IGSF9: variants seen among roughly 807,000 people sequenced by gnomAD.
IGSF9 encodes protein turtle homolog A.
Under a neutral mutation model 121.7 loss-of-function variants are expected in IGSF9, and 87 were observed. The ratio of observed to expected loss-of-function variants is 0.71; its 90% CI spans 0.60 to 0.85. IGSF9 has a LOEUF of 0.85. Among genes scored for constraint, IGSF9 ranks in the 40% least tolerant of loss-of-function variants. IGSF9 has a pLI of 0.00. For missense variants in IGSF9, 1,462 were observed against 1,565.3 expected, an observed-to-expected ratio of 0.93 and a Z score of 1.11; for synonymous variants, 640 against 648.4, an observed-to-expected ratio of 0.99 and a Z score of 0.20.
At chr1:159,939,935 G>A (rs1369164851) in intron 3 of IGSF9, among the ~76,000 whole-genome samples, 7 of 152,090 alleles carry the variant, frequency 4.6e-5, no homozygotes, top group Non-Finnish European at 8.8e-5. Flanking sequence ...CTGCCTGGCC[G>A]CTAAGCCCTG....
At position 159,931,994 on chromosome 1, in the gene IGSF9, C is replaced by T; in HGVS notation, c.1246-66G>A. On this transcript the variant is annotated intron_variant, in intron 10 of 20. Transcript: ENST00000368094. This position sits in a 1 kb window ranked among gnomAD's most constrained non-coding sequence, Gnocchi z 4.8. Reference sequence around the variant, plus strand: ...ATCTAAGGCTGGCTACTCCCTCTCTCTGTGCTCCCTGTCATGCCATGTCTC... The same window carrying T: ...ATCTAAGGCTGGCTACTCCCTCTCTTTGTGCTCCCTGTCATGCCATGTCTC... 2.1e-6 allele frequency: 2 copies of T among 960,548 alleles called. No homozygotes were observed. Among genetic ancestry groups the T allele is most frequent in the Non-Finnish European group, 1.6e-6 (1 of 625,832 alleles). The allele number at this position is 960,548 out of a possible 1,614,324, so 59.5% of individuals were successfully genotyped here.
At position 159,937,698 on chromosome 1, in the gene IGSF9, G is replaced by C; in HGVS notation, c.388C>G (p.Leu130Val). Residue 130 changes from leucine to valine, a missense_variant, in exon 4 of 21, where the codon CTG becomes GTG. By Grantham distance (32) the Leu-to-Val change is conservative. This residue lies in a region of IGSF9 where 558 missense variants were observed against 599.4 expected (regional missense o/e 0.93). Coordinates refer to ENST00000368094, the MANE Select transcript of IGSF9 (RefSeq NM_001135050.2). Reference sequence around the variant, plus strand: ...CCCAGCTTCATACAATTGACTGTCAGATGCACCCAGGAGCCGTTAGCAAAA... The same window carrying C: ...CCCAGCTTCATACAATTGACTGTCACATGCACCCAGGAGCCGTTAGCAAAA... ...DDFANGSWVH[L>V]TVNSPPQFQE... 1 of 1,613,746 alleles carries C rather than the reference G, an allele frequency of 6.2e-7. No homozygotes were observed. Among genetic ancestry groups the C allele is most frequent in the Non-Finnish European group, 8.5e-7 (1 of 1,179,746 alleles).
intron 16 of IGSF9, 22 bp downstream of exon 16, chr1:159,929,869 C>T (rs747792742): frequency 7.6e-6 from 12 of 1,579,112 alleles, no homozygotes; most frequent in South Asian, 1.2e-5. Flanking sequence ...CCTGGGGCTC[C>T]TCCCTCACGC....
rs575352607 is a variant in IGSF9, at chr1:159,927,095, C to CAGAGAGAGAGAGAGAGAGAGAG, written c.*249_*250insCTCTCTCTCTCTCTCTCTCTCT. The CAGAGAGAGAGAGAGAGAGAGAG allele has an allele frequency of 1.7e-4, 75 of 451,186 alleles. No homozygotes were observed. In the South Asian group the frequency reaches 1.9e-3, roughly 12 times the overall value. 27.9% of individuals were successfully genotyped at this position (451,186 alleles called of 1,614,324 possible). On this transcript the variant is annotated 3_prime_UTR_variant, in exon 21 of 21. Transcript: ENST00000368094. Reference sequence around the variant, plus strand: ...AAAACTTCACACACACACACACACACACAGAGAGAGAGAGAGAGAGAGAGA... The same window carrying CAGAGAGAGAGAGAGAGAGAGAG: ...AAAACTTCACACACACACACACACACAGAGAGAGAGAGAGAGAGAGAGACAGAGAGAGAGAGAGAGAGAGAGA...
In IGSF9 at chr1:159,927,744, C is replaced by CG. The variant is rs747207060; in HGVS notation, c.3358+15dup. On this transcript the variant is annotated intron_variant, in intron 20 of 20. Coordinates refer to ENST00000368094, the MANE Select transcript of IGSF9 (RefSeq NM_001135050.2). ...AGTATGGCCGAGATGCCTGCCTTTCCGGGGGGCTCACACACCTAGCTCTGG... is the reference window on the plus strand; with the variant it reads ...AGTATGGCCGAGATGCCTGCCTTTCCGGGGGGGCTCACACACCTAGCTCTGG... 1.7e-5 allele frequency: 28 copies of CG among 1,609,480 alleles called. No individual in the cohort carries two copies. The highest frequency in any genetic ancestry group is 2.1e-5 in the Non-Finnish European group (25 of 1,178,452).
In IGSF9 at chr1:159,934,465, G is replaced by T; in HGVS notation, c.921C>A (p.Leu307=). The T allele has an allele frequency of 6.2e-7, 1 of 1,603,638 alleles. No homozygotes were observed. The change falls in exon 8 of 21, where the codon CTC becomes CTA. Residue 307 remains leucine (L), a synonymous_variant. Coordinates refer to ENST00000368094, the MANE Select transcript of IGSF9 (RefSeq NM_001135050.2). The part of the protein sequence containing the change: ...GCYTCVPSNG[L]LHPPSASAYL... ...AGGCAGAGGCTGAGGGTGGATGCAGGAGGCCATTGCTGGGCACACAGGTGT... is the reference window on the plus strand; with the variant it reads ...AGGCAGAGGCTGAGGGTGGATGCAGTAGGCCATTGCTGGGCACACAGGTGT...
chr1:159,936,781 G>T lies in IGSF9; in HGVS notation c.528C>A (p.Asp176Glu), dbSNP rs1321016711. Reference protein sequence around the residue: ...PHVTWKLRGKDLGQGQGQVQV... With the variant: ...PHVTWKLRGKELGQGQGQVQV... The stretch of plus-strand genomic sequence containing the variant: ...GCACCTGGCCCTGGCCCTGGCCAAG[G>T]TCCTTTCCTCGGAGCTTCCACGTCA... Residue 176 changes from aspartate (D) to glutamate (E), a missense_variant, in exon 5 of 21, where the codon GAC becomes GAA. Asp to Glu is a conservative substitution (Grantham distance 45). Around this residue, in one of 3 missense-constraint regions of IGSF9, gnomAD observed 558 missense variants for 599.4 expected, o/e 0.93. Transcript: ENST00000368094. 1.2e-6 allele frequency: 2 copies of T among 1,614,092 alleles called. No homozygotes were observed. The highest frequency in any genetic ancestry group is 1.7e-6 in the Non-Finnish European group (2 of 1,180,032).
intron 19 of IGSF9, 112 bp from the exon 20 acceptor site, chr1:159,927,999 T>C: frequency 6.7e-7 from 1 of 1,494,806 alleles, no homozygotes; most frequent in Non-Finnish European, 9.0e-7. Flanking sequence ...GGGTTTCCCC[T>C]GAAAAATCCC....
Position 159,928,508 on chromosome 1 carries a change from G to A in IGSF9, c.2880C>T (p.Arg960=). 1.3e-6 allele frequency: 2 copies of A among 1,572,410 alleles called. No homozygotes were observed. Among genetic ancestry groups the A allele is most frequent in the Non-Finnish European group, 1.7e-6 (2 of 1,156,788 alleles). ...AAPPDYMDTR[R]CPTSSFLRSP... ...AACGAAGGAAAGATGAGGTGGGACA[G>A]CGCCGGGTATCCATGTAATCTGGGG... The change falls in exon 19 of 21, where the codon CGC becomes CGT. Residue 960 remains arginine, a synonymous_variant. Coordinates refer to ENST00000368094, the MANE Select transcript of IGSF9 (RefSeq NM_001135050.2).
In IGSF9 at chr1:159,931,045, G is replaced by A. The variant is rs1348470457; in HGVS notation, c.1637+93C>T. The A allele has an allele frequency of 1.9e-6, 3 of 1,567,062 alleles. No homozygotes were observed. Among genetic ancestry groups the A allele is most frequent in the Non-Finnish European group, 2.6e-6 (3 of 1,146,386 alleles). On this transcript the variant is annotated intron_variant, in intron 13 of 20. Transcript: ENST00000368094. This position sits in a 1 kb window ranked among gnomAD's most constrained non-coding sequence, Gnocchi z 4.8. ...AGCCAGGACTGGTGAGGGATAGAGG[G>A]ACAGAAGAAAGGGCAGAAGGCCAGA... is the stretch of plus-strand genomic sequence containing the variant.
intron 3 of IGSF9, among the ~76,000 whole-genome samples, chr1:159,941,282 C>T (rs1046168817): frequency 1.3e-5 from 2 of 152,192 alleles, no homozygotes; most frequent in Non-Finnish European, 2.9e-5. Flanking sequence ...CCTTAGCAAC[C>T]TCTACCTCCT....
chr1:159,942,743 A>AGTGT (rs59358917), intron 3 of IGSF9, among the ~76,000 whole-genome samples: 26 of 150,406 alleles, frequency 1.7e-4, no homozygotes, highest in East Asian at 3.9e-4. Flanking sequence ...TAAGAGTGTG[A>AGTGT]GTGTGTGTGT....
Position 159,929,663 on chromosome 1 carries a change from G to C in IGSF9, c.2301C>G (p.Arg767=), listed in dbSNP as rs1650903637. The C allele has an allele frequency of 6.3e-7, 1 of 1,594,650 alleles. No homozygotes were observed. Among genetic ancestry groups the C allele is most frequent in the African/African-American group, 1.3e-5 (1 of 74,798 alleles). ...CTTGGCGGAGGCGCTTGCGGCGGCG[G>C]CGGGCAGCCCTGCGCCGGTTCAGGA... is the stretch of plus-strand genomic sequence containing the variant. ...GCLLNRRRAA[R]RRRKRLRQDP... is the part of the protein sequence containing the mutation. The change falls in exon 17 of 21, where the codon CGC becomes CGG. Residue 767 remains arginine, a synonymous_variant. Transcript: ENST00000368094.
Position 159,928,837 on chromosome 1 carries a change from C to G in IGSF9, c.2551G>C (p.Gly851Arg). Reference protein sequence around the residue: ...PLEPICRGPDGRFVMGPTVAA... With the variant: ...PLEPICRGPDRRFVMGPTVAA... ...ACAGTGGGCCCCATCACAAAGCGCC[C>G]GTCTGGGCCCCGGCAAATGGGCTCC... The change falls in exon 19 of 21, where the codon GGG (glycine) becomes CGG (arginine). Residue 851 changes from glycine (G) to arginine (R), a missense_variant. By Grantham distance (125) the Gly-to-Arg change is moderately radical (BLOSUM62 -2). Around this residue, in one of 3 missense-constraint regions of IGSF9, gnomAD observed 808 missense variants for 815.2 expected, o/e 0.99. Coordinates refer to ENST00000368094, the MANE Select transcript of IGSF9 (RefSeq NM_001135050.2). 7 of 1,549,652 alleles carry G rather than the reference C, an allele frequency of 4.5e-6. No individual in the cohort carries two copies. The highest frequency in any genetic ancestry group is 6.1e-6 in the Non-Finnish European group (7 of 1,150,164).
rs762782876 is a variant in IGSF9, at chr1:159,927,097, C to CACACACAG, written c.*247_*248insCTGTGTGT. ...AACTTCACACACACACACACACACA[C>CACACACAG]AGAGAGAGAGAGAGAGAGAGAGAGA... On this transcript the variant is annotated 3_prime_UTR_variant, in exon 21 of 21. Transcript: ENST00000368094. The CACACACAG allele has an allele frequency of 3.1e-4, 114 of 371,896 alleles. No homozygotes were observed. The highest frequency in any genetic ancestry group is 1.4e-3 in the African/African-American group (59 of 42,312). The allele number at this position is 371,896 out of a possible 1,614,324, so 23.0% of individuals were successfully genotyped here. A position where few individuals can be genotyped will look rare whatever the true frequency, so the allele number is the denominator to read the frequency against.
chr1:159,940,825 G>A (rs1213059726), intron 3 of IGSF9, among the ~76,000 whole-genome samples: 2 of 152,206 alleles, frequency 1.3e-5, no homozygotes, highest in African/African-American at 4.8e-5. Flanking sequence ...CCCTTCTGCT[G>A]TGTGGGGCAT....
chr1:159,936,177 C>G (rs998778361), intron 6 of IGSF9, among the ~76,000 whole-genome samples: 5 of 152,220 alleles, frequency 3.3e-5, no homozygotes, highest in African/African-American at 1.2e-4. Context: ...TCCACTATAA[C>G]ACACTACTGG....
rs1402357528 is a variant in IGSF9 at position 159,927,756 on chromosome 1, A to G, written c.3358+4T>C. On this transcript the variant is annotated splice_donor_region_variant and intron_variant, in intron 20 of 20. Transcript: ENST00000368094. ...ATGCCTGCCTTTCCGGGGGGCTCAC[A>G]CACCTAGCTCTGGCTCAGCTTCAGG... The G allele has an allele frequency of 1.9e-6, 3 of 1,611,812 alleles. No individual in the cohort carries two copies. Among genetic ancestry groups the G allele is most frequent in the East Asian group, 2.2e-5 (1 of 44,834 alleles).
intron 16 of IGSF9, 29 bp downstream of exon 16, chr1:159,929,862 G>A: frequency 1.3e-6 from 2 of 1,583,534 alleles, no homozygotes; most frequent in Non-Finnish European, 1.7e-6. Context: ...GAGCAGCCCT[G>A]GGGCTCCTCC....
Sources: allele counts gnomAD v4.1 joint callset (sites outside exome capture counted in the v4.1 genomes callset), GRCh38; gene constraint gnomAD v4.1.1; regional missense constraint gnomAD v4.1.1; non-coding constraint Gnocchi (gnomAD v3.1); transcripts MANE v1.5; gene names NCBI Gene and HGNC (gene_info 2026-07-23, HGNC 2026-07-21).